Variants in SLC4A4 observed in about 807,000 individuals in gnomAD.
SLC4A4 encodes electrogenic sodium bicarbonate cotransporter 1.
A neutral mutation model predicts 111.5 loss-of-function variants in SLC4A4; 27 were observed. The observed-to-expected ratio is 0.24, with a 90% CI of 0.18 to 0.33. SLC4A4 has a LOEUF of 0.33. SLC4A4 is among the 10% of genes least tolerant of loss of function. The probability of loss-of-function intolerance (pLI) is 1.00; values close to 1 mark genes in which losing one functional copy is unlikely to be tolerated. For synonymous variants in SLC4A4, 443 were observed against 463.4 expected, an observed-to-expected ratio of 0.96 and a Z score of 0.57; for missense variants, 909 against 1,315.5, an observed-to-expected ratio of 0.69 and a Z score of 4.78.
intron 7 of SLC4A4, among the ~76,000 whole-genome samples, chr4:71,416,531 C>G (rs757988199): frequency 6.7e-4 from 102 of 152,008 alleles, no homozygotes; most frequent in Non-Finnish European, 1.2e-3. Flanking sequence ...GAAGCAAAAC[C>G]TTAGATAAGG....
intron 7 of SLC4A4, among the ~76,000 whole-genome samples, chr4:71,410,296 A>G (rs35555154): frequency 0.19 from 28,575 of 152,186 alleles, 3,058 homozygotes; most frequent in South Asian, 0.42. Flanking sequence ...ATGCCAGCCC[A>G]TGAAGGCAGC....
At chr4:71,120,651 T>C (rs1251563838) in intron 2 of SLC4A4, among the ~76,000 whole-genome samples, 2 of 152,202 alleles carry the variant, frequency 1.3e-5, no homozygotes, top group East Asian at 3.9e-4. Context: ...GAGGATCTCC[T>C]GAGGTCAGAA....
chr4:71,376,590 A>C (rs1366989584), intron 6 of SLC4A4, among the ~76,000 whole-genome samples: 1 of 148,132 alleles, frequency 6.8e-6, no homozygotes, highest in Non-Finnish European at 1.5e-5. Flanking sequence ...ATATATATTT[A>C]AAATATATAT....
chr4:71,136,712 A>G (rs766656829), intron 2 of SLC4A4, among the ~76,000 whole-genome samples: 4 of 152,172 alleles, frequency 2.6e-5, no homozygotes, highest in African/African-American at 9.7e-5. Flanking sequence ...TCATTAATAT[A>G]CATGTGGTAA....
chr4:71,561,921 G>A (rs1026311), intron 23 of SLC4A4, among the ~76,000 whole-genome samples: 141,449 of 151,774 alleles, frequency 0.93, 66,483 homozygotes, highest in Non-Finnish European at 0.99. Flanking sequence ...TTATGAGTGT[G>A]TGAAGTCGGG....
chr4:71,298,559 C>T (rs1204501232), intron 3 of SLC4A4, among the ~76,000 whole-genome samples: 1 of 152,060 alleles, frequency 6.6e-6, no homozygotes, highest in Non-Finnish European at 1.5e-5. Flanking sequence ...ATGTGTATTC[C>T]ACACTTTTCA....
intron 2 of SLC4A4, among the ~76,000 whole-genome samples, chr4:71,156,265 A>C (rs1744459489): frequency 6.6e-6 from 1 of 152,002 alleles, no homozygotes; most frequent in African/African-American, 2.4e-5. Context: ...AACCTCAGAA[A>C]GGTTTTTTGA....
intron 12 of SLC4A4, among the ~76,000 whole-genome samples, chr4:71,463,399 A>G (rs1727019453): frequency 6.6e-6 from 1 of 152,300 alleles, no homozygotes; most frequent in South Asian, 2.1e-4. Flanking sequence ...ACAGTTATTC[A>G]TTACATGTTA....
chr4:71,201,285 A>G (rs1162215849), intron 1 of SLC4A4, among the ~76,000 whole-genome samples: 1 of 152,204 alleles, frequency 6.6e-6, no homozygotes. Context: ...AGTTGCCCCC[A>G]GATAAGGAAG....
chr4:71,552,356 C>T (rs1236989018), intron 20 of SLC4A4, among the ~76,000 whole-genome samples: 1 of 151,258 alleles, frequency 6.6e-6, no homozygotes, highest in Non-Finnish European at 1.5e-5. Context: ...CATGTACACA[C>T]ACACACACAT....
chr4:71,517,268 CT>C (rs1281430522), intron 16 of SLC4A4, among the ~76,000 whole-genome samples: 2 of 151,812 alleles, frequency 1.3e-5, no homozygotes, highest in Non-Finnish European at 2.9e-5. Context: ...ATCTTATAAA[CT>C]TTCTTCATTC....
intron 2 of SLC4A4, among the ~76,000 whole-genome samples, chr4:71,165,894 T>G (rs1189139714): frequency 6.6e-6 from 1 of 151,942 alleles, no homozygotes; most frequent in Non-Finnish European, 1.5e-5. Flanking sequence ...AAAAAAATAA[T>G]GTGAGCACAT....
At chr4:71,234,898 G>T (rs982833026) in intron 1 of SLC4A4, among the ~76,000 whole-genome samples, 14 of 152,172 alleles carry the variant, frequency 9.2e-5, no homozygotes, top group African/African-American at 3.4e-4. Context: ...AAGAAATCTT[G>T]CAAGTGTCCA....
In SLC4A4 at chr4:71,534,407, G is replaced by A; in HGVS notation, c.2442+19G>A. ...ACTCAAGGTAAGTGTCCATAATAAT[G>A]TCTGTCATTGCCTTCTACTTTCTTT... is the stretch of plus-strand genomic sequence containing the variant. On this transcript the variant is annotated intron_variant, in intron 18 of 25. Coordinates refer to ENST00000264485, the MANE Select transcript of SLC4A4 (RefSeq NM_001098484.3). The A allele has an allele frequency of 6.2e-7, 1 of 1,609,452 alleles. No homozygotes were observed. The highest frequency in any genetic ancestry group is 8.5e-7 in the Non-Finnish European group (1 of 1,176,152).
intron 6 of SLC4A4, among the ~76,000 whole-genome samples, chr4:71,370,427 C>T (rs140796786): frequency 5.3e-4 from 81 of 152,280 alleles, no homozygotes; most frequent in Middle Eastern, 3.4e-3. Context: ...AATTCTTTTA[C>T]TACTTAATGA....
intron 1 of SLC4A4, among the ~76,000 whole-genome samples, chr4:71,226,569 G>C (rs1356332878): frequency 6.6e-6 from 1 of 152,066 alleles, no homozygotes; most frequent in Non-Finnish European, 1.5e-5. Flanking sequence ...TTAAAAATAT[G>C]CTTGAAAAAT....
At chr4:71,362,141 T>C (rs937232762) in intron 6 of SLC4A4, among the ~76,000 whole-genome samples, 3 of 152,186 alleles carry the variant, frequency 2.0e-5, no homozygotes, top group Non-Finnish European at 2.9e-5. Context: ...CCCTGATTTT[T>C]TCCTAACTTC....
At chr4:71,412,608 T>C (rs1394872361) in intron 7 of SLC4A4, among the ~76,000 whole-genome samples, 1 of 152,220 alleles carries the variant, frequency 6.6e-6, no homozygotes, top group African/African-American at 2.4e-5. Context: ...GTATCAGGAC[T>C]ACAGAAAGAA....
rs182571791 is a variant in SLC4A4, at chr4:71,090,040, C to G, written c.-64-2690C>G. 4.6e-5 allele frequency among the ~76,000 whole-genome samples: 7 copies of G among 151,890 alleles called. No homozygotes were observed. The East Asian group carries it at 1.2e-3, about 25-fold the overall frequency. The stretch of plus-strand genomic sequence containing the variant: ...AGGCCTCCTGGAGCTGTGGTGGGCT[C>G]CACCCAGTTCGAGCTTCCTCGCCAG... On this transcript the variant is annotated intron_variant, in intron 1 of 26. Transcript: ENST00000649996.
Sources: allele counts gnomAD v4.1 joint callset (sites outside exome capture counted in the v4.1 genomes callset), GRCh38; gene constraint gnomAD v4.1.1; transcripts MANE v1.5; gene names NCBI Gene and HGNC (gene_info 2026-07-23, HGNC 2026-07-21).